The following PCDH15 variants were observed in gnomAD, a reference collection of about 807,000 sequenced individuals.
PCDH15 encodes protocadherin related 15.
In PCDH15, 129 loss-of-function variants were observed where a neutral mutation model predicts 178.5. The observed-to-expected ratio is 0.72, with a 90% CI of 0.63 to 0.84. The LOEUF is 0.84. Ranked by LOEUF, PCDH15 falls within the 40% of genes least tolerant of loss-of-function variation. The pLI is 0.00. For synonymous variants in PCDH15, 800 were observed against 732.0 expected (o/e 1.09, Z -1.50); for missense variants, 2,230 against 2,099.9 (o/e 1.06, Z -1.21).
intron 3 of PCDH15, among the ~76,000 whole-genome samples, chr10:54,431,785 G>A (rs1019898275): frequency 5.3e-5 from 8 of 151,980 alleles, no homozygotes; most frequent in African/African-American, 1.9e-4. Flanking sequence ...GAAACAAAGA[G>A]CACCCCAACT....
At chr10:55,135,788 TG>T (rs2132082582) in intron 2 of PCDH15, among the ~76,000 whole-genome samples, 1 of 152,032 alleles carries the variant, frequency 6.6e-6, no homozygotes, top group East Asian at 1.9e-4. Flanking sequence ...CTCACCATGT[TG>T]GCCAGGCTGG....
chr10:53,839,596 G>T (rs540005156), intron 29 of PCDH15, among the ~76,000 whole-genome samples: 5 of 151,814 alleles, frequency 3.3e-5, no homozygotes, highest in African/African-American at 1.2e-4. Context: ...AACTAAAAAT[G>T]TTTCATTGAG....
intron 1 of PCDH15, among the ~76,000 whole-genome samples, chr10:54,712,723 C>G (rs369009670): frequency 6.6e-6 from 1 of 151,878 alleles, no homozygotes; most frequent in Non-Finnish European, 1.5e-5. Context: ...TTAGCACCCC[C>G]TAAGATGATG....
At chr10:55,210,266 A>G (rs902709052) in intron 1 of PCDH15, among the ~76,000 whole-genome samples, 2 of 152,066 alleles carry the variant, frequency 1.3e-5, no homozygotes, top group African/African-American at 4.8e-5. Flanking sequence ...AATAACAGAA[A>G]ATTAAACCTA....
At chr10:53,811,697 A>G in intron 35 of PCDH15, 78 bp from the exon 36 acceptor site, 1 of 808,404 alleles carries the variant, frequency 1.2e-6, no homozygotes, top group Non-Finnish European at 1.9e-6. Context: ...TTCTACACCT[A>G]GAATTCCATG....
intron 1 of PCDH15, among the ~76,000 whole-genome samples, chr10:55,246,072 A>G (rs1338222396): frequency 6.6e-6 from 1 of 152,166 alleles, no homozygotes. Context: ...GTTTGCATCA[A>G]TGGCCCAGAA....
rs562552010 is a variant in PCDH15, at chr10:55,021,160, T to C, written c.-79-123660A>G. ...GATTTGTCTAGGTCATTGTTCTTGATTGACAATTTCAACATTCTTTATATC... is the reference window on the plus strand; with the variant it reads ...GATTTGTCTAGGTCATTGTTCTTGACTGACAATTTCAACATTCTTTATATC... On this transcript the variant is annotated intron_variant, in intron 2 of 5. Transcript: ENST00000458638. 3.3e-5 allele frequency among the ~76,000 whole-genome samples: 5 copies of C among 152,334 alleles called. No individual in the cohort carries two copies. In the South Asian group the frequency reaches 8.3e-4, roughly 25 times the overall value.
chr10:55,589,158 A>T (rs958014825), intron 2 of PCDH15, among the ~76,000 whole-genome samples: 8 of 151,356 alleles, frequency 5.3e-5, no homozygotes, highest in East Asian at 1.9e-4. Flanking sequence ...GGTAATGCCT[A>T]GGTTTTCTTC....
chr10:54,374,583 T>A (rs1473183607), intron 4 of PCDH15, among the ~76,000 whole-genome samples: 1 of 152,072 alleles, frequency 6.6e-6, no homozygotes, highest in East Asian at 1.9e-4. Flanking sequence ...CTGAGACTCT[T>A]CATGTTCACC....
At chr10:55,579,423 A>T (rs2132118260) in intron 2 of PCDH15, among the ~76,000 whole-genome samples, 1 of 152,242 alleles carries the variant, frequency 6.6e-6, no homozygotes, top group East Asian at 1.9e-4. Flanking sequence ...CCCTTGGATC[A>T]CCTACTTGTA....
At chr10:54,957,358 T>C (rs996106117) in intron 2 of PCDH15, among the ~76,000 whole-genome samples, 2 of 151,600 alleles carry the variant, frequency 1.3e-5, no homozygotes, top group African/African-American at 4.8e-5. Context: ...TTCAGTTTAT[T>C]TGAGATTTGG....
chr10:54,435,910 C>T (rs2075348865), intron 3 of PCDH15, among the ~76,000 whole-genome samples: 1 of 151,634 alleles, frequency 6.6e-6, no homozygotes, highest in South Asian at 2.1e-4. Context: ...GCAGAGCTTG[C>T]AGGGAGCCGA....
chr10:54,577,028 G>A (rs951352624), intron 2 of PCDH15, among the ~76,000 whole-genome samples: 1 of 152,008 alleles, frequency 6.6e-6, no homozygotes, highest in African/African-American at 2.4e-5. Context: ...GGATTGAGGT[G>A]TAGTGAAGAT....
intron 3 of PCDH15, among the ~76,000 whole-genome samples, chr10:54,885,429 G>A (rs191428584): frequency 6.6e-6 from 1 of 151,952 alleles, no homozygotes; most frequent in East Asian, 1.9e-4. Context: ...CTACTCCACT[G>A]GGAAGAAGGC....
In PCDH15 at chr10:54,163,607, G is replaced by A. The variant is rs72797081; in HGVS notation, c.1591-10314C>T. On this transcript the variant is annotated intron_variant, in intron 13 of 37. Coordinates refer to ENST00000644397, the MANE Select transcript of PCDH15 (RefSeq NM_001384140.1). Reference sequence around the variant, plus strand: ...TGGGGACACAGAGCCAAACCAAACCGAGGAACAATCCTTGAGTCACCTTAA... The same window carrying A: ...TGGGGACACAGAGCCAAACCAAACCAAGGAACAATCCTTGAGTCACCTTAA... 5.6e-3 allele frequency among the ~76,000 whole-genome samples: 859 copies of A among 152,122 alleles called. 7 individuals carry two copies. The highest frequency in any genetic ancestry group is 0.027 in the Middle Eastern group (8 of 294).
intron 2 of PCDH15, among the ~76,000 whole-genome samples, chr10:55,159,117 C>T (rs2589443): frequency 0.77 from 116,379 of 151,696 alleles, 48,083 homozygotes; most frequent in Non-Finnish European, 0.92. Context: ...GAATGGTGGT[C>T]TTGGGATTAT....
intron 10 of PCDH15, among the ~76,000 whole-genome samples, chr10:54,200,388 T>C (rs1225457271): frequency 6.7e-6 from 1 of 150,372 alleles, no homozygotes; most frequent in Non-Finnish European, 1.5e-5. Flanking sequence ...ACCAGTCATC[T>C]ACATTAGGTA....
At chr10:54,245,986 T>G (rs1417047967) in intron 8 of PCDH15, among the ~76,000 whole-genome samples, 3 of 151,900 alleles carry the variant, frequency 2.0e-5, no homozygotes, top group Non-Finnish European at 4.4e-5. Context: ...AATGTTATAA[T>G]TATAAATTCC....
intron 3 of PCDH15, among the ~76,000 whole-genome samples, chr10:54,880,287 G>A (rs1954238732): frequency 6.6e-6 from 1 of 152,064 alleles, no homozygotes; most frequent in African/African-American, 2.4e-5. Context: ...CAGCCCTTAT[G>A]GCTCTAACAT....
Sources: allele counts gnomAD v4.1 joint callset (sites outside exome capture counted in the v4.1 genomes callset), GRCh38; gene constraint gnomAD v4.1.1; transcripts MANE v1.5; gene names NCBI Gene and HGNC (gene_info 2026-07-23, HGNC 2026-07-21).